Variants in ARHGAP26 observed in about 807,000 individuals in gnomAD.
ARHGAP26 encodes the protein Rho GTPase activating protein 26, also known as rho GTPase-activating protein 26.
ARHGAP26 carries 38 observed loss-of-function variants against 104.8 expected under a neutral mutation model. The observed-to-expected ratio is 0.36, with a 90% CI of 0.28 to 0.48. The LOEUF (loss-of-function observed/expected upper bound fraction) is 0.48. Ranked by LOEUF, ARHGAP26 falls within the 20% of genes least tolerant of loss-of-function variation. The pLI, the probability that ARHGAP26 is intolerant of heterozygous loss-of-function variation, is 0.99. For missense variants in ARHGAP26, 704 were observed against 947.9 expected (o/e 0.74, Z 3.38); for synonymous variants, 341 against 340.0 (o/e 1.00, Z -0.03).
intron 17 of ARHGAP26, among the ~76,000 whole-genome samples, chr5:143,067,434 A>G (rs960481867): frequency 6.6e-6 from 1 of 152,088 alleles, no homozygotes; most frequent in Non-Finnish European, 1.5e-5. Context: ...GGTCATGCCT[A>G]TATTCAGCTT....
chr5:143,049,544 TA>T (rs1784691071), intron 14 of ARHGAP26, among the ~76,000 whole-genome samples: 1 of 152,214 alleles, frequency 6.6e-6, no homozygotes. Context: ...TTTTCTGAAT[TA>T]TTTTTCAGAG....
At chr5:142,949,689 T>C (rs1033391215) in intron 11 of ARHGAP26, among the ~76,000 whole-genome samples, 1 of 152,068 alleles carries the variant, frequency 6.6e-6, no homozygotes, top group Admixed American at 6.6e-5. Context: ...AGAGCAAGTA[T>C]GAGGGGCAGA....
chr5:142,779,259 A>G (rs1756995317), intron 1 of ARHGAP26, among the ~76,000 whole-genome samples: 1 of 152,176 alleles, frequency 6.6e-6, no homozygotes. Context: ...GAGAGAGGAA[A>G]TGGTAAGGAA....
chr5:143,123,368 C>T (rs919326411), intron 18 of ARHGAP26, among the ~76,000 whole-genome samples: 4 of 152,240 alleles, frequency 2.6e-5, no homozygotes, highest in African/African-American at 9.6e-5. Context: ...GATGCTCCCT[C>T]AGTCTTTTTT....
intron 20 of ARHGAP26, among the ~76,000 whole-genome samples, chr5:143,198,855 G>A (rs550227029): frequency 4.6e-5 from 7 of 152,274 alleles, no homozygotes; most frequent in Admixed American, 2.6e-4. Flanking sequence ...GTACAGGTTT[G>A]TTCCATGGGT....
chr5:143,068,787 C>T (rs1313986835), intron 17 of ARHGAP26, among the ~76,000 whole-genome samples: 1 of 152,178 alleles, frequency 6.6e-6, no homozygotes, highest in Non-Finnish European at 1.5e-5. Context: ...TTCCCAAATC[C>T]TCTCTTCCCA....
chr5:142,821,716 AC>A (rs1462210105), intron 1 of ARHGAP26, among the ~76,000 whole-genome samples: 1 of 152,098 alleles, frequency 6.6e-6, no homozygotes, highest in Non-Finnish European at 1.5e-5. Context: ...GGACTGAGTA[AC>A]CCTTCCCATT....
intron 16 of ARHGAP26, among the ~76,000 whole-genome samples, chr5:143,056,648 T>C (rs1287195899): frequency 6.6e-6 from 1 of 152,188 alleles, no homozygotes; most frequent in Non-Finnish European, 1.5e-5. Flanking sequence ...AGGTGCAAGC[T>C]ACTCTAAGTA....
chr5:142,847,471 C>T (rs1232246488), intron 1 of ARHGAP26, among the ~76,000 whole-genome samples: 4 of 152,110 alleles, frequency 2.6e-5, no homozygotes, highest in African/African-American at 9.7e-5. Flanking sequence ...CATTCTCCTG[C>T]TTCAGCCTCC....
intron 5 of ARHGAP26, 131 bp downstream of exon 5, chr5:142,885,530 A>G (rs1203588430): frequency 4.3e-6 from 3 of 692,464 alleles, no homozygotes; most frequent in African/African-American, 1.8e-5. Flanking sequence ...ATTGCTCCTG[A>G]TCCCTCATCC....
At chr5:142,826,770 A>G (rs748369995) in intron 1 of ARHGAP26, among the ~76,000 whole-genome samples, 11 of 146,632 alleles carry the variant, frequency 7.5e-5, no homozygotes, top group East Asian at 1.9e-4. Context: ...CTCTGTGCCT[A>G]TCTCCACCAA....
intron 1 of ARHGAP26, chr5:142,771,404 C>T (rs1325644481): frequency 8.1e-7 from 1 of 1,231,834 alleles, no homozygotes. Context: ...GCTCCCTGTA[C>T]GCAGCTCCAG....
At chr5:142,971,952 C>T (rs1235235021) in intron 11 of ARHGAP26, among the ~76,000 whole-genome samples, 1 of 152,038 alleles carries the variant, frequency 6.6e-6, no homozygotes, top group Non-Finnish European at 1.5e-5. Context: ...GAGGTCGAGG[C>T]GGGCAGATCA....
At chr5:143,100,934 A>C (rs1793136649) in intron 17 of ARHGAP26, among the ~76,000 whole-genome samples, 2 of 152,260 alleles carry the variant, frequency 1.3e-5, no homozygotes, top group Non-Finnish European at 1.5e-5. Context: ...CTACTAAAAA[A>C]ATTGAAAAAC....
In ARHGAP26 at chr5:143,224,296, C is replaced by G. The variant is rs896523758; in HGVS notation, c.*1850C>G. The G allele has an allele frequency of 3.9e-5, 9 of 231,732 alleles. No individual in the cohort carries two copies. The highest frequency in any genetic ancestry group is 2.0e-4 in the African/African-American group (9 of 45,198). 14.4% of individuals were successfully genotyped at this position (231,732 alleles called of 1,614,324 possible). On this transcript the variant is annotated 3_prime_UTR_variant, in exon 23 of 23. Transcript: ENST00000645722. ...GTCAAGGTCACTGTCCCCGCTTCGG[C>G]CTGAAGGAAAGAGAAGACATTTCTA...
At chr5:143,018,811 TTA>T (rs1385126810) in intron 12 of ARHGAP26, among the ~76,000 whole-genome samples, 1 of 152,194 alleles carries the variant, frequency 6.6e-6, no homozygotes, top group Non-Finnish European at 1.5e-5. Flanking sequence ...ACTTGGGTAT[TTA>T]TGAGTCTTTA....
At chr5:143,059,112 A>T (rs1241096963) in intron 17 of ARHGAP26, among the ~76,000 whole-genome samples, 1 of 152,242 alleles carries the variant, frequency 6.6e-6, no homozygotes, top group Non-Finnish European at 1.5e-5. Context: ...TGTTAAGCAG[A>T]GAAGCTGGTT....
At chr5:143,011,082 C>T (rs1778651842) in intron 11 of ARHGAP26, 1 of 152,386 alleles carries the variant, frequency 6.6e-6, no homozygotes, top group African/African-American at 2.4e-5. Context: ...CCCCTCTGCC[C>T]TATCCTTATC....
At chr5:142,812,714 T>C (rs1007996304) in intron 1 of ARHGAP26, among the ~76,000 whole-genome samples, 6 of 151,984 alleles carry the variant, frequency 3.9e-5, no homozygotes, top group Non-Finnish European at 8.8e-5. Flanking sequence ...TTAAAAAAAA[T>C]TTTTTTAGCG....
Sources: gnomAD v4.1 joint callset for allele counts (sites outside exome capture counted in the v4.1 genomes callset) on GRCh38, gnomAD v4.1.1 for gene constraint, MANE v1.5 for transcripts, NCBI Gene and HGNC (gene_info 2026-07-23, HGNC 2026-07-21) for gene names.